The following PCDHAC2 variants were observed in gnomAD, a reference collection of about 807,000 sequenced individuals.
The protein encoded by PCDHAC2 is protocadherin alpha-C2.
In PCDHAC2, 24 loss-of-function variants were observed where a neutral mutation model predicts 63.3. The observed-to-expected ratio is 0.38, with a 90% confidence interval of 0.27 to 0.53. The LOEUF is 0.53. Among genes scored for constraint, PCDHAC2 ranks in the 20% least tolerant of loss-of-function variants. The pLI, the probability that PCDHAC2 is intolerant of heterozygous loss-of-function variation, is 0.81. For synonymous variants in PCDHAC2, 569 were observed against 529.4 expected, an observed-to-expected ratio of 1.07 and a Z score of -1.03; for missense variants, 1,181 against 1,275.2, an observed-to-expected ratio of 0.93 and a Z score of 1.12.
At chr5:140,995,936 T>C (rs1554254905) in intron 3 of PCDHAC2, among the ~76,000 whole-genome samples, 1 of 152,220 alleles carries the variant, frequency 6.6e-6, no homozygotes, top group Non-Finnish European at 1.5e-5. Context: ...AAGTATTAAA[T>C]GACATAATGC....
intron 3 of PCDHAC2, among the ~76,000 whole-genome samples, chr5:141,004,566 T>C (rs2098171206): frequency 6.6e-6 from 1 of 152,186 alleles, no homozygotes; most frequent in Non-Finnish European, 1.5e-5. Context: ...GATGAACATA[T>C]CTCTGTGTTC....
At chr5:140,988,860 T>C (rs1270376752) in intron 3 of PCDHAC2, 2 of 152,204 alleles carry the variant, frequency 1.3e-5, no homozygotes, top group South Asian at 2.1e-4. Flanking sequence ...TCCAGTCTCA[T>C]GTGCACTCAG....
rs1267054987 is a variant in PCDHAC2, at chr5:140,968,437, A to G, written c.1671A>G (p.Pro557=). 1.2e-6 allele frequency: 2 copies of G among 1,614,072 alleles called. No homozygotes were observed. Among genetic ancestry groups the G allele is most frequent in the Admixed American group, 3.3e-5 (2 of 60,026 alleles). Residue 557 remains proline, a synonymous_variant, in exon 1 of 4, where the codon CCA becomes CCG. Transcript: ENST00000289269. ...TGGAGGCTCAGGACAAGGGGAGCCC[A>G]CCACTGAGCAGCACTGTGACTGCCA... ...VTVEAQDKGS[P]PLSSTVTANV...
rs868978149 is a variant in PCDHAC2 at position 140,967,710 on chromosome 5, G to A, written c.944G>A (p.Gly315Glu). The A allele has an allele frequency of 6.2e-7, 1 of 1,614,182 alleles. No individual in the cohort carries two copies. The highest frequency in any genetic ancestry group is 8.5e-7 in the Non-Finnish European group (1 of 1,180,036). Residue 315 changes from glycine (G) to glutamate (E), a missense_variant, in exon 1 of 4, where the codon GGG (glycine) becomes GAG (glutamate). Coordinates refer to ENST00000289269, the MANE Select transcript of PCDHAC2 (RefSeq NM_018899.6). ...CTCTTCAGCATAGATGCCAGTACCG[G>A]GGAAGTGCGAGTAATTGGGGGGCTG... is the stretch of plus-strand genomic sequence containing the variant. ...RQLFSIDASTGEVRVIGGLDY... is the reference protein window; with the variant it reads ...RQLFSIDASTEEVRVIGGLDY...
At chr5:141,007,704 C>T (rs2098341593) in intron 3 of PCDHAC2, among the ~76,000 whole-genome samples, 1 of 152,200 alleles carries the variant, frequency 6.6e-6, no homozygotes, top group African/African-American at 2.4e-5. Flanking sequence ...CCTCCTCTGC[C>T]TCCCACCACC....
chr5:140,999,040 G>A (rs1450256691), intron 3 of PCDHAC2, among the ~76,000 whole-genome samples: 2 of 152,218 alleles, frequency 1.3e-5, no homozygotes, highest in African/African-American at 2.4e-5. Context: ...TTCGTCCAGT[G>A]TGCTTTCCAC....
intron 3 of PCDHAC2, among the ~76,000 whole-genome samples, chr5:141,007,422 G>C (rs190866782): frequency 7.0e-6 from 1 of 143,592 alleles, no homozygotes; most frequent in Non-Finnish European, 1.5e-5. Flanking sequence ...AAAAAAATTA[G>C]CCAGGCATGG....
At chr5:141,006,445 C>T (rs1202981865) in intron 3 of PCDHAC2, among the ~76,000 whole-genome samples, 2 of 152,062 alleles carry the variant, frequency 1.3e-5, no homozygotes, top group Non-Finnish European at 2.9e-5. Context: ...AATCTCCTGA[C>T]CTCGAGATCT....
In PCDHAC2 at chr5:140,993,861, T is replaced by G. The variant is rs143253452; in HGVS notation, c.2713+11298T>G. 3.2e-4 allele frequency among the ~76,000 whole-genome samples: 49 copies of G among 152,356 alleles called. No homozygotes were observed. In the East Asian group the frequency reaches 9.4e-3, roughly 29 times the overall value. On this transcript the variant is annotated intron_variant, in intron 3 of 3. Transcript: ENST00000289269. ...TAGGTATGTAGTAGGCTATGCCATC[T>G]AGGTTTGTGTAAGTACGCTCTATGA... is the stretch of plus-strand genomic sequence containing the variant.
At position 140,969,313 on chromosome 5, in the gene PCDHAC2, G is replaced by A. The variant is rs2096317901; in HGVS notation, c.2547G>A (p.Glu849=). 3.7e-6 allele frequency: 6 copies of A among 1,614,160 alleles called. No homozygotes were observed. In the East Asian group the frequency reaches 8.9e-5, roughly 24 times the overall value. The part of the protein sequence containing the change: ...NAGNLIILKN[E]AVSQNEPRQP... ...GGAACCTGATTATTCTCAAAAATGAGGCTGTTTCTCAAAATGAGGTGAGAC... is the reference window on the plus strand; with the variant it reads ...GGAACCTGATTATTCTCAAAAATGAAGCTGTTTCTCAAAATGAGGTGAGAC... The change falls in exon 1 of 4, where the codon GAG becomes GAA. Residue 849 remains glutamate, a synonymous_variant. Coordinates refer to ENST00000289269, the MANE Select transcript of PCDHAC2 (RefSeq NM_018899.6).
intron 3 of PCDHAC2, among the ~76,000 whole-genome samples, chr5:140,994,726 G>T (rs774837274): frequency 3.0e-4 from 45 of 151,958 alleles, no homozygotes; most frequent in Non-Finnish European, 3.7e-4. Flanking sequence ...TAAAATACTG[G>T]GTATTGCAGG....
chr5:141,001,245 C>G (rs1554258043), intron 3 of PCDHAC2, among the ~76,000 whole-genome samples: 2 of 152,082 alleles, frequency 1.3e-5, no homozygotes, highest in Non-Finnish European at 2.9e-5. Context: ...TAAATCAACC[C>G]TATGGGGCGG....
chr5:140,976,427 T>C (rs2096715861), intron 1 of PCDHAC2, among the ~76,000 whole-genome samples: 1 of 152,064 alleles, frequency 6.6e-6, no homozygotes, highest in Admixed American at 6.5e-5. Flanking sequence ...GGCAGATGCC[T>C]GTAATCCCAG....
intron 1 of PCDHAC2, among the ~76,000 whole-genome samples, chr5:140,978,653 G>T (rs527551897): frequency 6.6e-6 from 1 of 152,196 alleles, no homozygotes; most frequent in Non-Finnish European, 1.5e-5. Flanking sequence ...TGTTCTTCCC[G>T]TAGTGTTTTA....
Position 141,011,938 on chromosome 5 carries a change from T to TA in PCDHAC2, c.*2008dup, listed in dbSNP as rs1489019865. 2.6e-5 allele frequency: 4 copies of TA among 153,644 alleles called. No individual in the cohort carries two copies. The highest frequency in any genetic ancestry group is 6.5e-5 in the Admixed American group (1 of 15,278). The allele number at this position is 153,644 out of a possible 1,614,324, so 9.5% of individuals were successfully genotyped here. A position where few individuals can be genotyped will look rare whatever the true frequency, so the allele number is the denominator to read the frequency against. ...ATAAAAGAGGTAGGAGTCTGTTATT[T>TA]AAAAAAAGCATTAAATTTAAAAAAA... On this transcript the variant is annotated 3_prime_UTR_variant, in exon 4 of 4. Transcript: ENST00000289269.
At chr5:140,999,894 G>A (rs1260070986) in intron 3 of PCDHAC2, among the ~76,000 whole-genome samples, 3 of 152,096 alleles carry the variant, frequency 2.0e-5, no homozygotes, top group African/African-American at 7.2e-5. Flanking sequence ...TGTAGCTTGG[G>A]ACACCAAACA....
intron 1 of PCDHAC2, among the ~76,000 whole-genome samples, chr5:140,970,714 A>C (rs1554232672): frequency 6.6e-6 from 1 of 152,220 alleles, no homozygotes; most frequent in Non-Finnish European, 1.5e-5. Flanking sequence ...CAATGTGTGA[A>C]CAATATTTGT....
chr5:140,985,675 T>C (rs1477813786), intron 3 of PCDHAC2, among the ~76,000 whole-genome samples: 1 of 151,998 alleles, frequency 6.6e-6, no homozygotes, highest in Non-Finnish European at 1.5e-5. Context: ...AAGTGGGGCC[T>C]GCCTTACGCT....
At position 140,968,876 on chromosome 5, in the gene PCDHAC2, A is replaced by G. The variant is rs782240993; in HGVS notation, c.2110A>G (p.Ile704Val). 3.2e-5 allele frequency: 51 copies of G among 1,614,112 alleles called. No homozygotes were observed. The highest frequency in any genetic ancestry group is 4.1e-5 in the Non-Finnish European group (48 of 1,180,048). Reference sequence around the variant, plus strand: ...TAAGAGCCCTCGGACATACTCTGAAATTACCCTTTATCTAATAATAGCATT... The same window carrying G: ...TAAGAGCCCTCGGACATACTCTGAAGTTACCCTTTATCTAATAATAGCATT... ...HVKSPRTYSE[I>V]TLYLIIALST... The change falls in exon 1 of 4, where the codon ATT (isoleucine) becomes GTT (valine). Residue 704 changes from isoleucine to valine, a missense_variant. Physicochemically the swap from Ile to Val is conservative, Grantham distance 29. Transcript: ENST00000289269.
Sources: allele counts gnomAD v4.1 joint callset (sites outside exome capture counted in the v4.1 genomes callset), GRCh38; gene constraint gnomAD v4.1.1; transcripts MANE v1.5; gene names NCBI Gene and HGNC (gene_info 2026-07-23, HGNC 2026-07-21).